DYNC1I1: variants seen among roughly 807,000 people sequenced by gnomAD.
DYNC1I1 encodes the protein dynein cytoplasmic 1 intermediate chain 1.
Under a neutral mutation model 86.6 loss-of-function variants are expected in DYNC1I1, and 43 were observed. The observed-to-expected ratio is 0.50, with a 90% CI of 0.39 to 0.64. The LOEUF is 0.64. Among genes scored for constraint, DYNC1I1 ranks in the 30% least tolerant of loss-of-function variants. The pLI, the probability that DYNC1I1 is intolerant of heterozygous loss-of-function variation, is 0.00. For missense variants in DYNC1I1, 604 were observed against 788.8 expected (o/e 0.77, Z 2.81); for synonymous variants, 262 against 283.7 (o/e 0.92, Z 0.77).
chr7:96,009,228 T>G (rs1488165482), intron 10 of DYNC1I1, among the ~76,000 whole-genome samples: 2 of 152,184 alleles, frequency 1.3e-5, no homozygotes, highest in Admixed American at 1.3e-4. Context: ...CAGAGGATAT[T>G]GCAAATGTGT....
intron 6 of DYNC1I1, among the ~76,000 whole-genome samples, chr7:95,872,625 C>T (rs1790202951): frequency 6.6e-6 from 1 of 152,126 alleles, no homozygotes; most frequent in Non-Finnish European, 1.5e-5. Flanking sequence ...GAGAAACACT[C>T]CAGACAGTGA....
chr7:95,833,524 G>T (rs1326627629), intron 5 of DYNC1I1, among the ~76,000 whole-genome samples: 1 of 135,776 alleles, frequency 7.4e-6, no homozygotes, highest in Non-Finnish European at 1.6e-5. Flanking sequence ...TTGGTAGCTT[G>T]ATGGGGATGG....
intron 4 of DYNC1I1, among the ~76,000 whole-genome samples, chr7:95,821,261 A>T (rs1251138232): frequency 6.6e-6 from 1 of 152,236 alleles, no homozygotes; most frequent in East Asian, 1.9e-4. Context: ...AAGAGCAAGT[A>T]AATTGACACA....
At chr7:96,051,557 G>C (rs575256450) in intron 14 of DYNC1I1, among the ~76,000 whole-genome samples, 1 of 152,274 alleles carries the variant, frequency 6.6e-6, no homozygotes, top group South Asian at 2.1e-4. Flanking sequence ...TGTAGACATT[G>C]TACAATCTTT....
intron 5 of DYNC1I1, among the ~76,000 whole-genome samples, chr7:95,843,286 G>T (rs571607788): frequency 6.6e-6 from 1 of 152,106 alleles, no homozygotes; most frequent in Non-Finnish European, 1.5e-5. Flanking sequence ...TTTCTTTTGT[G>T]CAGATTTCTT....
chr7:95,958,499 T>C (rs1297775561), intron 6 of DYNC1I1, among the ~76,000 whole-genome samples: 5 of 152,012 alleles, frequency 3.3e-5, no homozygotes, highest in Admixed American at 3.3e-4. Context: ...AGATCAAGGC[T>C]GCAGTGAGCT....
At chr7:95,822,953 G>C (rs566855642) in intron 4 of DYNC1I1, among the ~76,000 whole-genome samples, 1 of 152,124 alleles carries the variant, frequency 6.6e-6, no homozygotes, top group Admixed American at 6.6e-5. Context: ...GGTCATGGTG[G>C]GGGAGGGCAG....
chr7:96,028,291 G>A lies in DYNC1I1; in HGVS notation c.1086G>A (p.Gln362=). Residue 362 remains glutamine (Q), a synonymous_variant, in exon 11 of 17, where the codon CAG becomes CAA. Transcript: ENST00000447467. The part of the protein sequence containing the change: ...DNRSHRRTPV[Q]RTPLSAAAHT... The stretch of plus-strand genomic sequence containing the variant: ...GCAGTCATCGAAGGACTCCAGTGCA[G>A]CGGACACCCTTATCAGCTGCTGCAC... The A allele has an allele frequency of 6.2e-7, 1 of 1,613,582 alleles. No homozygotes were observed.
rs1377478633 is a variant in DYNC1I1, at chr7:96,031,723, TCAC to T, written c.1117-941_1117-939del. On this transcript the variant is annotated intron_variant, in intron 11 of 16. Coordinates refer to ENST00000447467, the MANE Select transcript of DYNC1I1 (RefSeq NM_001135556.2). ...GTGGCTAGGTATTATGGACAGTAACTCACCAAGGGTAAGACTGATACTGTCAGC... is the reference window on the plus strand; with the variant it reads ...GTGGCTAGGTATTATGGACAGTAACTCAAGGGTAAGACTGATACTGTCAGC... Among the ~76,000 whole-genome samples, 5 of 152,280 alleles carry T rather than the reference TCAC, an allele frequency of 3.3e-5. No homozygotes were observed. In the East Asian group the frequency reaches 9.6e-4, roughly 29 times the overall value.
At chr7:95,804,652 T>C (rs1235760569) in intron 1 of DYNC1I1, 69 bp from the exon 2 acceptor site, 5 of 1,424,032 alleles carry the variant, frequency 3.5e-6, no homozygotes, top group Non-Finnish European at 4.6e-6. Context: ...TTCTTTAAAA[T>C]GATTTTTGCA....
intron 5 of DYNC1I1, among the ~76,000 whole-genome samples, chr7:95,839,762 T>C (rs1335446546): frequency 6.6e-6 from 1 of 152,192 alleles, no homozygotes. Flanking sequence ...CTAGTGATGG[T>C]AACCTCTCTT....
At chr7:96,071,725 A>G (rs1372530254) in intron 14 of DYNC1I1, among the ~76,000 whole-genome samples, 1 of 152,224 alleles carries the variant, frequency 6.6e-6, no homozygotes. Flanking sequence ...GCAAATATAT[A>G]GATAACATCC....
intron 5 of DYNC1I1, among the ~76,000 whole-genome samples, chr7:95,837,812 TC>T (rs1789153630): frequency 2.0e-5 from 3 of 152,262 alleles, no homozygotes; most frequent in African/African-American, 7.2e-5. Context: ...AGGCAATGCC[TC>T]ACCCTGCTTC....
chr7:95,937,718 C>T (rs550085068), intron 6 of DYNC1I1, among the ~76,000 whole-genome samples: 74 of 151,722 alleles, frequency 4.9e-4, no homozygotes, highest in Middle Eastern at 3.4e-3. Context: ...CTAAATGGTT[C>T]CAAAAATATT....
chr7:96,069,758 C>T (rs532043650), intron 14 of DYNC1I1, among the ~76,000 whole-genome samples: 85 of 152,172 alleles, frequency 5.6e-4, no homozygotes, highest in African/African-American at 1.9e-3. Flanking sequence ...TTATTGGTGG[C>T]GCCTCTTGGA....
At chr7:95,778,332 C>A (rs1050136702) in intron 1 of DYNC1I1, among the ~76,000 whole-genome samples, 2 of 152,202 alleles carry the variant, frequency 1.3e-5, no homozygotes, top group African/African-American at 4.8e-5. Flanking sequence ...ATTAACTTTT[C>A]CCTTGCCTGC....
chr7:95,874,645 AAGAGAG>A (rs57425892), intron 6 of DYNC1I1, among the ~76,000 whole-genome samples: 1 of 150,072 alleles, frequency 6.7e-6, no homozygotes, highest in East Asian at 2.0e-4. Flanking sequence ...TTAGAAAAAG[AAGAGAG>A]AGAGAGAGAG....
intron 6 of DYNC1I1, among the ~76,000 whole-genome samples, chr7:95,884,029 A>G (rs970522354): frequency 2.6e-5 from 4 of 152,222 alleles, no homozygotes; most frequent in African/African-American, 9.6e-5. Flanking sequence ...TTGACTGAAT[A>G]GACTCAAATT....
intron 5 of DYNC1I1, among the ~76,000 whole-genome samples, chr7:95,858,425 T>A (rs1463392650): frequency 5.9e-5 from 9 of 152,166 alleles, no homozygotes; most frequent in Non-Finnish European, 1.0e-4. Flanking sequence ...TACAGTAAAC[T>A]TTTTTTAATA....
Sources: gnomAD v4.1 joint callset for allele counts (sites outside exome capture counted in the v4.1 genomes callset) on GRCh38, gnomAD v4.1.1 for gene constraint, MANE v1.5 for transcripts, NCBI Gene and HGNC (gene_info 2026-07-23, HGNC 2026-07-21) for gene names.